PPM1L: variants seen among roughly 807,000 people sequenced by gnomAD.
PPM1L encodes the protein protein phosphatase, Mg2+/Mn2+ dependent 1L, also known as protein phosphatase 1L.
A neutral mutation model predicts 31.4 loss-of-function variants in PPM1L; 13 were observed. The ratio of observed to expected loss-of-function variants is 0.41; its 90% confidence interval spans 0.27 to 0.66. PPM1L has a LOEUF of 0.66. Ranked by LOEUF, PPM1L falls within the 30% of genes least tolerant of loss-of-function variation. The probability of loss-of-function intolerance (pLI) is 0.29; values close to 1 mark genes in which losing one functional copy is unlikely to be tolerated. For missense variants in PPM1L, 326 were observed against 453.7 expected (o/e 0.72, Z 2.56); for synonymous variants, 184 against 175.4 (o/e 1.05, Z -0.39).
chr3:161,046,961 T>C (rs1170210383), intron 2 of PPM1L, among the ~76,000 whole-genome samples: 1 of 152,184 alleles, frequency 6.6e-6, no homozygotes, highest in Non-Finnish European at 1.5e-5. Flanking sequence ...GAGCTACTTA[T>C]GACAAACCCA....
intron 2 of PPM1L, among the ~76,000 whole-genome samples, chr3:160,995,190 A>G (rs1717271138): frequency 6.6e-6 from 1 of 152,194 alleles, no homozygotes; most frequent in Non-Finnish European, 1.5e-5. Context: ...GCTTAGGGAA[A>G]AATTATGGAA....
At position 161,077,718 on chromosome 3, in the gene PPM1L, A is replaced by T. The variant is rs573503369; in HGVS notation, c.*8561A>T. 6 of 152,296 alleles carry T rather than the reference A, an allele frequency of 3.9e-5. No individual in the cohort carries two copies. Among genetic ancestry groups the T allele is most frequent in the South Asian group, 4.1e-4 (2 of 4,830 alleles). 9.4% of individuals were successfully genotyped at this position (152,296 alleles called of 1,614,324 possible). On this transcript the variant is annotated 3_prime_UTR_variant, in exon 4 of 4. Coordinates refer to ENST00000498165, the MANE Select transcript of PPM1L (RefSeq NM_139245.4). ...ACAGAAGACTAAATGTCATTTTTTT[A>T]AATCATAAATTTGGTATCCATAGTT...
chr3:160,933,405 T>C (rs912629527), intron 1 of PPM1L, among the ~76,000 whole-genome samples: 1 of 152,100 alleles, frequency 6.6e-6, no homozygotes, highest in Non-Finnish European at 1.5e-5. Flanking sequence ...GAAACAAAAA[T>C]AGGGTAAGCA....
At chr3:160,878,499 C>T (rs1712593515) in intron 1 of PPM1L, among the ~76,000 whole-genome samples, 1 of 152,166 alleles carries the variant, frequency 6.6e-6, no homozygotes. Flanking sequence ...TGAGAGCCAG[C>T]TCTCTGGTGG....
At chr3:160,758,998 G>C (rs1298125890) in intron 1 of PPM1L, among the ~76,000 whole-genome samples, 1 of 152,152 alleles carries the variant, frequency 6.6e-6, no homozygotes. Flanking sequence ...TGCTACAAAA[G>C]GAGTTACTTA....
chr3:161,011,288 T>G (rs1456109690), intron 2 of PPM1L, among the ~76,000 whole-genome samples: 2 of 152,186 alleles, frequency 1.3e-5, no homozygotes, highest in Non-Finnish European at 2.9e-5. Flanking sequence ...TTTCCCCATT[T>G]CTTGTTTTTG....
intron 1 of PPM1L, among the ~76,000 whole-genome samples, chr3:160,763,291 G>C (rs757554652): frequency 4.6e-5 from 7 of 152,244 alleles, no homozygotes; most frequent in African/African-American, 7.2e-5. Flanking sequence ...TCATGTGGCA[G>C]AGAAGATTTT....
intron 1 of PPM1L, among the ~76,000 whole-genome samples, chr3:160,953,870 A>C (rs1272230966): frequency 6.6e-6 from 1 of 152,148 alleles, no homozygotes; most frequent in Non-Finnish European, 1.5e-5. Flanking sequence ...CCTCAGCTTT[A>C]GCTTCCAATT....
At chr3:160,813,349 A>T (rs1712867256) in intron 1 of PPM1L, among the ~76,000 whole-genome samples, 2 of 151,368 alleles carry the variant, frequency 1.3e-5, no homozygotes, top group African/African-American at 4.9e-5. Flanking sequence ...ATTTTATTTT[A>T]TTTTTTTTGA....
intron 1 of PPM1L, among the ~76,000 whole-genome samples, chr3:160,768,597 T>A (rs1181619080): frequency 6.6e-6 from 1 of 152,200 alleles, no homozygotes; most frequent in Non-Finnish European, 1.5e-5. Context: ...CAGTAGTGGC[T>A]CCTGTTTGTA....
intron 2 of PPM1L, among the ~76,000 whole-genome samples, chr3:161,060,814 A>C (rs1462551073): frequency 2.0e-5 from 3 of 151,494 alleles, no homozygotes; most frequent in African/African-American, 7.3e-5. Context: ...CAGATTTGCA[A>C]TTAAGTTCTC....
At chr3:160,813,040 G>C (rs1712856507) in intron 1 of PPM1L, among the ~76,000 whole-genome samples, 1 of 151,974 alleles carries the variant, frequency 6.6e-6, no homozygotes, top group Non-Finnish European at 1.5e-5. Flanking sequence ...TTTTGTTGTT[G>C]TCTAGCAGGT....
At chr3:160,906,078 A>T (rs1011825865) in intron 1 of PPM1L, among the ~76,000 whole-genome samples, 43 of 151,622 alleles carry the variant, frequency 2.8e-4, no homozygotes, top group African/African-American at 6.8e-4. Flanking sequence ...TATTATTATT[A>T]TTTTTTTAGG....
intron 2 of PPM1L, among the ~76,000 whole-genome samples, chr3:161,007,680 C>T (rs887741732): frequency 1.3e-5 from 2 of 151,970 alleles, no homozygotes; most frequent in Admixed American, 6.6e-5. Context: ...CATCAGCTTT[C>T]GTTAGTGTAT....
At position 160,999,039 on chromosome 3, in the gene PPM1L, C is replaced by G. The variant is rs181883453; in HGVS notation, c.574+37129C>G. On this transcript the variant is annotated intron_variant, in intron 2 of 3. Transcript: ENST00000498165. Reference sequence around the variant, plus strand: ...ACTCAGAGGATAACATGGTTGCTACCGCCTGGCACAATAAATGCAATTTTG... The same window carrying G: ...ACTCAGAGGATAACATGGTTGCTACGGCCTGGCACAATAAATGCAATTTTG... Among the ~76,000 whole-genome samples, 36 of 152,188 alleles carry G rather than the reference C, an allele frequency of 2.4e-4. No individual in the cohort carries two copies. The East Asian group carries it at 6.8e-3, about 29-fold the overall frequency.
intron 1 of PPM1L, among the ~76,000 whole-genome samples, chr3:160,875,585 TTAAA>T (rs1350266185): frequency 5.9e-5 from 9 of 152,210 alleles, no homozygotes; most frequent in Non-Finnish European, 1.3e-4. Flanking sequence ...GCTTTAGAAA[TTAAA>T]TAAAATAGCT....
At chr3:160,984,067 A>G (rs1230810968) in intron 2 of PPM1L, among the ~76,000 whole-genome samples, 2 of 152,166 alleles carry the variant, frequency 1.3e-5, no homozygotes, top group Non-Finnish European at 1.5e-5. Flanking sequence ...TAAACATTTT[A>G]CCAGAGTTCA....
At chr3:161,050,383 T>C (rs1440357715) in intron 2 of PPM1L, among the ~76,000 whole-genome samples, 2 of 152,130 alleles carry the variant, frequency 1.3e-5, no homozygotes, top group Non-Finnish European at 2.9e-5. Context: ...AGCTCTGAAT[T>C]TGGTAAAAGT....
intron 2 of PPM1L, among the ~76,000 whole-genome samples, chr3:160,998,778 T>C (rs1463834383): frequency 6.6e-6 from 1 of 152,200 alleles, no homozygotes; most frequent in Non-Finnish European, 1.5e-5. Context: ...GGTCTGTTTG[T>C]TAAGCACTGT....
Sources: allele counts gnomAD v4.1 joint callset (sites outside exome capture counted in the v4.1 genomes callset), GRCh38; gene constraint gnomAD v4.1.1; transcripts MANE v1.5; gene names NCBI Gene and HGNC (gene_info 2026-07-23, HGNC 2026-07-21).